The following CPPED1 variants were observed in gnomAD, a reference collection of about 807,000 sequenced individuals.
The protein encoded by CPPED1 is calcineurin like phosphoesterase domain containing 1.
A neutral mutation model predicts 28.0 loss-of-function variants in CPPED1; 28 were observed. That is an observed-to-expected ratio of 1.00 (90% CI 0.74 to 1.37). The LOEUF (loss-of-function observed/expected upper bound fraction) is 1.37. CPPED1 is among the 40% of genes most tolerant of loss of function. The pLI is 0.00. For missense variants in CPPED1, 504 were observed against 416.5 expected, an observed-to-expected ratio of 1.21 and a Z score of -1.83; for synonymous variants, 198 against 180.2, an observed-to-expected ratio of 1.10 and a Z score of -0.79.
chr16:12,676,873 G>T (rs986641966), intron 3 of CPPED1, among the ~76,000 whole-genome samples: 18 of 152,124 alleles, frequency 1.2e-4, no homozygotes, highest in African/African-American at 4.3e-4. Flanking sequence ...CATGAAGGAG[G>T]CATGGTTATT....
chr16:12,727,446 G>A (rs1193804254), intron 2 of CPPED1, among the ~76,000 whole-genome samples: 2 of 152,114 alleles, frequency 1.3e-5, no homozygotes, highest in Non-Finnish European at 2.9e-5. Context: ...TCGACCTCCT[G>A]GGATCAAGCC....
rs1301069403 is a variant in CPPED1, at chr16:12,660,961, A to G, written c.*3925T>C. The G allele has an allele frequency of 6.6e-6, 1 of 152,182 alleles. No homozygotes were observed. The highest frequency in any genetic ancestry group is 1.5e-5 in the Non-Finnish European group (1 of 68,032). 9.4% of individuals were successfully genotyped at this position (152,182 alleles called of 1,614,324 possible). The stretch of plus-strand genomic sequence containing the variant: ...GACCTTCAACTCCACAAATATAAAA[A>G]TAAAAAATTAGATGTGGTGACACGA... On this transcript the variant is annotated 3_prime_UTR_variant, in exon 4 of 4. Coordinates refer to ENST00000381774, the MANE Select transcript of CPPED1 (RefSeq NM_018340.3).
chr16:12,753,155 T>C (rs1165623462), intron 2 of CPPED1: 1 of 152,104 alleles, frequency 6.6e-6, no homozygotes, highest in Non-Finnish European at 1.5e-5. Flanking sequence ...AGTTACTGGA[T>C]TTCTTTACAC....
chr16:12,788,212 G>C (rs753369997), intron 1 of CPPED1, among the ~76,000 whole-genome samples: 2 of 152,150 alleles, frequency 1.3e-5, no homozygotes, highest in African/African-American at 4.8e-5. Flanking sequence ...GCTGTGTTCT[G>C]CTCATTACAA....
intron 2 of CPPED1, among the ~76,000 whole-genome samples, chr16:12,707,019 T>C (rs2141188595): frequency 6.6e-6 from 1 of 152,282 alleles, no homozygotes; most frequent in Admixed American, 6.5e-5. Context: ...TGCCATTGAT[T>C]GACATTGCTT....
At chr16:12,779,682 C>T (rs955043307) in intron 2 of CPPED1, among the ~76,000 whole-genome samples, 2 of 152,020 alleles carry the variant, frequency 1.3e-5, no homozygotes, top group Non-Finnish European at 2.9e-5. Context: ...CGGCCATTCT[C>T]ATGTTTTCAT....
At chr16:12,754,512 C>G in intron 2 of CPPED1, among the ~76,000 whole-genome samples, 1 of 152,210 alleles carries the variant, frequency 6.6e-6, no homozygotes, top group Non-Finnish European at 1.5e-5. Context: ...ATTAAAGGGG[C>G]ATGTGCACAT....
intron 2 of CPPED1, among the ~76,000 whole-genome samples, chr16:12,741,413 G>C (rs770500529): frequency 2.4e-4 from 36 of 151,698 alleles, no homozygotes; most frequent in Admixed American, 5.9e-4. Flanking sequence ...CGGTGATAAA[G>C]GGACGCCATT....
At chr16:12,673,466 C>T (rs564435912) in intron 3 of CPPED1, among the ~76,000 whole-genome samples, 1 of 152,312 alleles carries the variant, frequency 6.6e-6, no homozygotes, top group South Asian at 2.1e-4. Context: ...TTGAAAGAAG[C>T]TTGCATTAGC....
intron 2 of CPPED1, among the ~76,000 whole-genome samples, chr16:12,759,658 G>T (rs566418455): frequency 2.6e-5 from 4 of 152,314 alleles, no homozygotes; most frequent in African/African-American, 9.6e-5. Context: ...GTCGGGGGGT[G>T]GTGTGGTTAC....
intron 2 of CPPED1, among the ~76,000 whole-genome samples, chr16:12,714,725 T>C (rs1596457152): frequency 6.6e-6 from 1 of 152,218 alleles, no homozygotes; most frequent in Non-Finnish European, 1.5e-5. Flanking sequence ...TTGCAAGTAT[T>C]CCCTCCCATT....
intron 2 of CPPED1, among the ~76,000 whole-genome samples, chr16:12,708,173 T>TG (rs113668744): frequency 0.034 from 5,121 of 149,554 alleles, 126 homozygotes; most frequent in East Asian, 0.1. Context: ...TATTTATTGT[T>TG]GGAAAAAAAA....
intron 2 of CPPED1, among the ~76,000 whole-genome samples, chr16:12,761,628 A>C (rs1409851436): frequency 6.6e-6 from 1 of 152,202 alleles, no homozygotes; most frequent in Non-Finnish European, 1.5e-5. Context: ...AATAAATAAA[A>C]GCTATGGATA....
intron 3 of CPPED1, among the ~76,000 whole-genome samples, chr16:12,674,982 C>G (rs575169036): frequency 1.3e-5 from 2 of 152,304 alleles, no homozygotes; most frequent in East Asian, 3.9e-4. Context: ...GGGGGGCACA[C>G]AGCATGGCAG....
chr16:12,703,499 T>C (rs942508611), intron 3 of CPPED1, among the ~76,000 whole-genome samples: 2 of 152,088 alleles, frequency 1.3e-5, no homozygotes, highest in Non-Finnish European at 2.9e-5. Flanking sequence ...CTGGACAACA[T>C]GGTGAAACCC....
chr16:12,708,603 G>C (rs974087427), intron 2 of CPPED1, among the ~76,000 whole-genome samples: 6 of 152,118 alleles, frequency 3.9e-5, no homozygotes, highest in African/African-American at 1.4e-4. Context: ...TTTTAGTTAA[G>C]AATCTGGAAA....
At chr16:12,731,206 T>A (rs1596463200) in intron 2 of CPPED1, among the ~76,000 whole-genome samples, 2 of 146,550 alleles carry the variant, frequency 1.4e-5, no homozygotes, top group South Asian at 2.2e-4. Flanking sequence ...CAGGCTGGAG[T>A]GCAGTGGCGC....
intron 3 of CPPED1, among the ~76,000 whole-genome samples, chr16:12,683,730 T>C (rs1016978930): frequency 3.9e-5 from 6 of 152,168 alleles, no homozygotes; most frequent in Non-Finnish European, 7.4e-5. Context: ...CCATCCTCAG[T>C]GTGATCTTCC....
chr16:12,676,015 A>AT lies in CPPED1; in HGVS notation c.716-10901dup, dbSNP rs373643074. ...AGTGGGTTTGGGAGGTGCAGATTGAATATGAAGTCATGGTTAAGCCCCACC... is the reference window on the plus strand; with the variant it reads ...AGTGGGTTTGGGAGGTGCAGATTGAATTATGAAGTCATGGTTAAGCCCCACC... On this transcript the variant is annotated intron_variant, in intron 3 of 3. Transcript: ENST00000381774. 1.8e-3 allele frequency among the ~76,000 whole-genome samples: 267 copies of AT among 152,308 alleles called. 2 individuals are homozygous for AT. The highest frequency in any genetic ancestry group is 6.2e-3 in the African/African-American group (256 of 41,558).
Sources: allele counts gnomAD v4.1 joint callset (sites outside exome capture counted in the v4.1 genomes callset), GRCh38; gene constraint gnomAD v4.1.1; transcripts MANE v1.5; gene names NCBI Gene and HGNC (gene_info 2026-07-23, HGNC 2026-07-21).